DCAF7: variants seen among roughly 807,000 people sequenced by gnomAD.
DCAF7 encodes DDB1 and CUL4 associated factor 7, also known as DDB1- and CUL4-associated factor 7.
Under a neutral mutation model 41.2 loss-of-function variants are expected in DCAF7, and 4 were observed. The ratio of observed to expected loss-of-function variants is 0.10; its 90% confidence interval spans 0.05 to 0.22. DCAF7 has a LOEUF of 0.22. Ranked by LOEUF, DCAF7 falls within the 10% of genes least tolerant of loss-of-function variation. The pLI, the probability that DCAF7 is intolerant of heterozygous loss-of-function variation, is 1.00. For missense variants in DCAF7, 131 were observed against 443.2 expected (o/e 0.30, Z 6.32); for synonymous variants, 143 against 164.2 (o/e 0.87, Z 0.99).
intron 6 of DCAF7, among the ~76,000 whole-genome samples, chr17:63,586,208 TTTGGGAGGCTAAA>T (rs2033675635): frequency 6.6e-6 from 1 of 151,334 alleles, no homozygotes; most frequent in South Asian, 2.1e-4. Context: ...ATTGCAGCAC[TTTGGGAGGCTAAA>T]GTGGGAGGAT....
At chr17:63,574,526 C>T (rs2033540146) in intron 1 of DCAF7, among the ~76,000 whole-genome samples, 1 of 152,032 alleles carries the variant, frequency 6.6e-6, no homozygotes, top group Non-Finnish European at 1.5e-5. Flanking sequence ...ATGACAAGAT[C>T]TATGAATATA....
At position 63,550,555 on chromosome 17, in the gene DCAF7, CG is replaced by C. The variant is rs1598022474; in HGVS notation, c.-120del. ...TTGTTTGTCGCCGCATCCCCGCTTC[CG>C]GGTTAGGCCGTTCCTGCCCGCCCCC... On this transcript the variant is annotated 5_prime_UTR_variant, in exon 1 of 7. Coordinates refer to ENST00000614556, the MANE Select transcript of DCAF7 (RefSeq NM_005828.5). The surrounding 1 kb of genome is among the most constrained non-coding windows in gnomAD (Gnocchi z 4.8). The C allele has an allele frequency of 1.4e-6, 2 of 1,422,034 alleles. No homozygotes were observed. The highest frequency in any genetic ancestry group is 4.8e-5 in the East Asian group (2 of 41,600). The allele number at this position is 1,422,034 out of a possible 1,614,324, so 88.1% of individuals were successfully genotyped here. A position where few individuals can be genotyped will look rare whatever the true frequency, so the allele number is the denominator to read the frequency against.
intron 6 of DCAF7, among the ~76,000 whole-genome samples, chr17:63,587,930 G>A (rs1217636382): frequency 6.7e-6 from 1 of 148,876 alleles, no homozygotes; most frequent in East Asian, 2.0e-4. Flanking sequence ...TGGTTGCAGT[G>A]AGCCGAGATT....
intron 5 of DCAF7, among the ~76,000 whole-genome samples, chr17:63,584,125 C>T (rs1426587013): frequency 6.6e-6 from 1 of 152,166 alleles, no homozygotes; most frequent in African/African-American, 2.4e-5. Flanking sequence ...GCAGATTTTC[C>T]CTTCTGTAGT....
At chr17:63,559,361 A>G (rs1459916942) in intron 1 of DCAF7, among the ~76,000 whole-genome samples, 5 of 119,488 alleles carry the variant, frequency 4.2e-5, no homozygotes, top group South Asian at 2.4e-4. Flanking sequence ...ATATATATGT[A>G]TGTATATATA....
chr17:63,575,990 G>A (rs976964274), intron 1 of DCAF7, among the ~76,000 whole-genome samples: 2 of 152,224 alleles, frequency 1.3e-5, no homozygotes, highest in African/African-American at 2.4e-5. Context: ...TTGCCTACTA[G>A]CAGACAGATA....
chr17:63,582,411 T>C (rs1490109590), intron 4 of DCAF7, among the ~76,000 whole-genome samples: 2 of 151,948 alleles, frequency 1.3e-5, no homozygotes, highest in Non-Finnish European at 2.9e-5. Flanking sequence ...TTGGCATTAG[T>C]TTTTCTGTTT....
intron 1 of DCAF7, among the ~76,000 whole-genome samples, chr17:63,565,240 T>C (rs544964871): frequency 1.3e-5 from 2 of 152,188 alleles, no homozygotes; most frequent in East Asian, 3.9e-4. Flanking sequence ...CGTGTAATGG[T>C]GAAGAGTTTG....
intron 1 of DCAF7, chr17:63,552,671 A>T (rs1488859578): frequency 6.6e-6 from 1 of 152,224 alleles, no homozygotes; most frequent in East Asian, 1.9e-4. Context: ...TTTTCTTGTA[A>T]GTTTTTCCAG....
chr17:63,562,029 CTT>C (rs2033387983), intron 1 of DCAF7, among the ~76,000 whole-genome samples: 1 of 134,696 alleles, frequency 7.4e-6, no homozygotes, highest in Admixed American at 7.3e-5. Context: ...AAAAAAAAAA[CTT>C]AGGGGGAAAA....
chr17:63,572,007 T>C (rs1454283782), intron 1 of DCAF7, among the ~76,000 whole-genome samples: 1 of 151,980 alleles, frequency 6.6e-6, no homozygotes, highest in Non-Finnish European at 1.5e-5. Flanking sequence ...CTAAGTGAAA[T>C]AGCATAAGAC....
chr17:63,551,931 A>AAAAAAAAG (rs1568095488), intron 1 of DCAF7, among the ~76,000 whole-genome samples: 1 of 118,954 alleles, frequency 8.4e-6, no homozygotes, highest in African/African-American at 3.1e-5. Context: ...AAAAAAAAAA[A>AAAAAAAAG]GCCGGGCGTA....
chr17:63,554,499 C>T (rs1004700755), intron 1 of DCAF7, among the ~76,000 whole-genome samples: 1 of 152,256 alleles, frequency 6.6e-6, no homozygotes, highest in African/African-American at 2.4e-5. Flanking sequence ...CTGCATGCTC[C>T]TAAACATTGG....
chr17:63,562,846 C>G (rs2033399130), intron 1 of DCAF7, among the ~76,000 whole-genome samples: 1 of 148,892 alleles, frequency 6.7e-6, no homozygotes, highest in South Asian at 2.1e-4. Context: ...TCTTTTGAGA[C>G]ACTGTCTTGC....
rs938058124 is a variant in DCAF7 at position 63,590,654 on chromosome 17, TGGGG to T, written c.*1484_*1487del. On this transcript the variant is annotated 3_prime_UTR_variant, in exon 7 of 7. Coordinates refer to ENST00000614556, the MANE Select transcript of DCAF7 (RefSeq NM_005828.5). ...GGGCAGGCAGTTTGGGATGTGCTCTTGGGGGAAAGTTGGCTGTTTCCTTGCGCTC... is the reference window on the plus strand; with the variant it reads ...GGGCAGGCAGTTTGGGATGTGCTCTTGAAAGTTGGCTGTTTCCTTGCGCTC... 2.6e-5 allele frequency: 4 copies of T among 152,730 alleles called. No homozygotes were observed. The highest frequency in any genetic ancestry group is 9.7e-5 in the African/African-American group (4 of 41,442). 9.5% of individuals were successfully genotyped at this position (152,730 alleles called of 1,614,324 possible). A position where few individuals can be genotyped will look rare whatever the true frequency, so the allele number is the denominator to read the frequency against.
chr17:63,582,609 C>G (rs1336677977), intron 4 of DCAF7, among the ~76,000 whole-genome samples: 1 of 152,060 alleles, frequency 6.6e-6, no homozygotes, highest in Non-Finnish European at 1.5e-5. Context: ...GCTGGGATTA[C>G]CGGCACCAGA....
intron 1 of DCAF7, among the ~76,000 whole-genome samples, chr17:63,556,469 T>C (rs1286520229): frequency 6.6e-6 from 1 of 152,082 alleles, no homozygotes. Context: ...CTTGGGAGGC[T>C]GAGGCAGGAG....
chr17:63,572,165 TTGAG>T (rs2033514443), intron 1 of DCAF7, among the ~76,000 whole-genome samples: 2 of 152,174 alleles, frequency 1.3e-5, no homozygotes, highest in African/African-American at 4.8e-5. Context: ...AGCTCATATA[TTGAG>T]TAAGACAGTT....
At chr17:63,552,190 T>C (rs904826172) in intron 1 of DCAF7, 1 of 152,184 alleles carries the variant, frequency 6.6e-6, no homozygotes, top group African/African-American at 2.4e-5. Flanking sequence ...CAGGCCTGTT[T>C]TATTATCTGT....
Sources: gnomAD v4.1 joint callset for allele counts (sites outside exome capture counted in the v4.1 genomes callset) on GRCh38, gnomAD v4.1.1 for gene constraint, Gnocchi (gnomAD v3.1) non-coding constraint, MANE v1.5 for transcripts, NCBI Gene and HGNC (gene_info 2026-07-23, HGNC 2026-07-21) for gene names.